The following FCGRT variants were observed in gnomAD, a reference collection of about 807,000 sequenced individuals.
FCGRT encodes the protein Fc gamma receptor and transporter.
FCGRT carries 13 observed loss-of-function variants against 35.7 expected under a neutral mutation model. That is an observed-to-expected ratio of 0.36 (90% CI 0.24 to 0.58). FCGRT has a LOEUF of 0.58. Ranked by LOEUF, FCGRT falls within the 20% of genes least tolerant of loss-of-function variation. The probability of loss-of-function intolerance (pLI) is 0.77; values close to 1 mark genes in which losing one functional copy is unlikely to be tolerated. For missense variants in FCGRT, 455 were observed against 474.9 expected (o/e 0.96, Z 0.39); for synonymous variants, 233 against 216.5 (o/e 1.08, Z -0.67).
Position 49,524,676 on chromosome 19 carries a change from C to G in FCGRT, c.771C>G (p.Phe257Leu). The G allele has an allele frequency of 6.2e-7, 1 of 1,604,964 alleles. No individual in the cohort carries two copies. Among genetic ancestry groups the G allele is most frequent in the Non-Finnish European group, 8.5e-7 (1 of 1,179,964 alleles). Residue 257 changes from phenylalanine to leucine, a missense_variant, in exon 5 of 7, where the codon TTC becomes TTG. By Grantham distance (22) the Phe-to-Leu change is conservative. Coordinates refer to ENST00000221466, the MANE Select transcript of FCGRT (RefSeq NM_001136019.3). ...GDFGPNSDGS[F>L]HASSSLTVKS... is the part of the protein sequence containing the mutation. The stretch of plus-strand genomic sequence containing the variant: ...TCGGCCCCAACAGTGACGGATCCTT[C>G]CACGCCTCGTCGTCACTAACAGTCA...
chr19:49,519,872 C>T lies in FCGRT; in HGVS notation c.602-4635C>T, dbSNP rs140487136. Among the ~76,000 whole-genome samples, 712 of 149,056 alleles carry T rather than the reference C, an allele frequency of 4.8e-3. 7 individuals are homozygous for T. Among genetic ancestry groups the T allele is most frequent in the African/African-American group, 0.017 (667 of 40,256 alleles). ...TTGAGATGGAGTCTTGCTCTGTCGC[C>T]CAGGCTGGAGTGCAGTGTTGCGATC... On this transcript the variant is annotated intron_variant, in intron 4 of 6. Transcript: ENST00000221466.
chr19:49,524,457 C>T, intron 4 of FCGRT, 50 bp from the exon 5 acceptor site: 1 of 1,574,690 alleles, frequency 6.4e-7, no homozygotes, highest in Non-Finnish European at 8.6e-7. Context: ...AGCCCTGGCT[C>T]TGGGAGTGGT....
At chr19:49,520,387 G>A (rs535895897) in intron 4 of FCGRT, among the ~76,000 whole-genome samples, 6 of 139,824 alleles carry the variant, frequency 4.3e-5, no homozygotes, top group African/African-American at 1.1e-4. Flanking sequence ...CTCTTATTGC[G>A]CAGGCTGGAG....
rs146390579 is a variant in FCGRT, at chr19:49,523,676, C to A, written c.602-831C>A. Among the ~76,000 whole-genome samples, 4 of 151,756 alleles carry A rather than the reference C, an allele frequency of 2.6e-5. No homozygotes were observed. The East Asian group carries it at 7.8e-4, about 30-fold the overall frequency. Reference sequence around the variant, plus strand: ...GAGATTGAGACCATCCTGGCTAAGACGGTGAAACCCCGTCTCTACTAAAAA... The same window carrying A: ...GAGATTGAGACCATCCTGGCTAAGAAGGTGAAACCCCGTCTCTACTAAAAA... On this transcript the variant is annotated intron_variant, in intron 4 of 6. Coordinates refer to ENST00000221466, the MANE Select transcript of FCGRT (RefSeq NM_001136019.3).
At position 49,524,532 on chromosome 19, in the gene FCGRT, C is replaced by G; in HGVS notation, c.627C>G (p.Ala209=). The G allele has an allele frequency of 6.2e-7, 1 of 1,610,324 alleles. No individual in the cohort carries two copies. Among genetic ancestry groups the G allele is most frequent in the Non-Finnish European group, 8.5e-7 (1 of 1,177,330 alleles). ...AGCCCCCCTCCATGCGCCTGAAGGC[C>G]CGACCCAGCAGCCCTGGCTTTTCCG... ...WKEPPSMRLK[A]RPSSPGFSVL... is the part of the protein sequence containing the mutation. The change falls in exon 5 of 7, where the codon GCC becomes GCG. Residue 209 remains alanine (A), a synonymous_variant. Coordinates refer to ENST00000221466, the MANE Select transcript of FCGRT (RefSeq NM_001136019.3).
chr19:49,522,690 C>T (rs866293140), intron 4 of FCGRT, among the ~76,000 whole-genome samples: 15 of 151,632 alleles, frequency 9.9e-5, no homozygotes, highest in African/African-American at 2.7e-4. Context: ...CCTCCACCCC[C>T]CAAAGCGCCA....
chr19:49,522,697 G>T (rs965138255), intron 4 of FCGRT, among the ~76,000 whole-genome samples: 2 of 149,848 alleles, frequency 1.3e-5, no homozygotes, highest in African/African-American at 4.9e-5. Context: ...CCCCCAAAGC[G>T]CCAGGATTCT....
chr19:49,524,046 TCTCA>T (rs1222821581), intron 4 of FCGRT, among the ~76,000 whole-genome samples: 2 of 150,196 alleles, frequency 1.3e-5, no homozygotes, highest in Admixed American at 6.7e-5. Flanking sequence ...TGAGACGGGG[TCTCA>T]CTCTGTCGCC....
At chr19:49,515,726 C>G (rs186322523) in intron 4 of FCGRT, among the ~76,000 whole-genome samples, 5 of 152,112 alleles carry the variant, frequency 3.3e-5, no homozygotes, top group African/African-American at 7.2e-5. Flanking sequence ...TGTGCTTGGC[C>G]TTCCTTGCCT....
rs11551292 is a variant in FCGRT, at chr19:49,526,289, T to C, written c.*170T>C. 8.4e-6 allele frequency: 5 copies of C among 595,588 alleles called. No homozygotes were observed. Among genetic ancestry groups the C allele is most frequent in the Admixed American group, 6.0e-5 (2 of 33,380 alleles). 36.9% of individuals were successfully genotyped at this position (595,588 alleles called of 1,614,324 possible). Reference sequence around the variant, plus strand: ...CCTCAGTTTCCCCTCCTAATACATATGGCTGTTTTCCACCTCGATAATATA... The same window carrying C: ...CCTCAGTTTCCCCTCCTAATACATACGGCTGTTTTCCACCTCGATAATATA... On this transcript the variant is annotated 3_prime_UTR_variant, in exon 7 of 7. Transcript: ENST00000221466.
chr19:49,517,812 C>G (rs2080017236), intron 4 of FCGRT, among the ~76,000 whole-genome samples: 3 of 152,150 alleles, frequency 2.0e-5, no homozygotes, highest in African/African-American at 7.2e-5. Context: ...CCTGCCTCAG[C>G]CTCCTGAGTA....
chr19:49,523,814 C>T lies in FCGRT; in HGVS notation c.602-693C>T, dbSNP rs184321032. On this transcript the variant is annotated intron_variant, in intron 4 of 6. Transcript: ENST00000221466. ...GGCGGAGCTTGCAGTGAGCCGAGAT[C>T]GCGCCACTGCACTCCAGCCTGGGAG... 7.7e-3 allele frequency among the ~76,000 whole-genome samples: 1,140 copies of T among 148,646 alleles called. 29 individuals carry two copies. Among genetic ancestry groups the T allele is most frequent in the East Asian group, 0.023 (115 of 4,926 alleles).
rs745455322 is a variant in FCGRT at position 49,513,945 on chromosome 19, C to T, written c.137C>T (p.Ala46Val). 1 of 1,613,888 alleles carries T rather than the reference C, an allele frequency of 6.2e-7. No individual in the cohort carries two copies. The highest frequency in any genetic ancestry group is 1.3e-5 in the African/African-American group (1 of 74,906). Residue 46 changes from alanine (A) to valine (V), a missense_variant, in exon 3 of 7, where the codon GCC (alanine) becomes GTC (valine). Coordinates refer to ENST00000221466, the MANE Select transcript of FCGRT (RefSeq NM_001136019.3). ...TCCTCGCCTGCCCCGGGGACTCCTGCCTTCTGGGTGTCCGGCTGGCTGGGC... is the reference window on the plus strand; with the variant it reads ...TCCTCGCCTGCCCCGGGGACTCCTGTCTTCTGGGTGTCCGGCTGGCTGGGC... ...AVSSPAPGTP[A>V]FWVSGWLGPQ...
At position 49,522,900 on chromosome 19, in the gene FCGRT, C is replaced by A. The variant is rs144523817; in HGVS notation, c.602-1607C>A. 7.5e-3 allele frequency among the ~76,000 whole-genome samples: 1,137 copies of A among 151,208 alleles called. 32 individuals carry two copies. The highest frequency in any genetic ancestry group is 0.059 in the East Asian group (302 of 5,104). ...TCACGCCATTCTCCTGCCTCAGCCT[C>A]CCAAGTGGCTGGGACTACAGGCGCC... On this transcript the variant is annotated intron_variant, in intron 4 of 6. Coordinates refer to ENST00000221466, the MANE Select transcript of FCGRT (RefSeq NM_001136019.3).
At chr19:49,523,410 T>TA (rs1297630093) in intron 4 of FCGRT, among the ~76,000 whole-genome samples, 3 of 151,532 alleles carry the variant, frequency 2.0e-5, no homozygotes, top group Non-Finnish European at 1.5e-5. Context: ...CTACTAAAAA[T>TA]AAAAAAATTA....
chr19:49,521,772 C>G (rs1274973606), intron 4 of FCGRT: 1 of 151,390 alleles, frequency 6.6e-6, no homozygotes, highest in Admixed American at 6.6e-5. Flanking sequence ...CAAGCTCAAG[C>G]GATCCTCCCA....
At chr19:49,518,962 C>T (rs1411473263) in intron 4 of FCGRT, among the ~76,000 whole-genome samples, 1 of 152,072 alleles carries the variant, frequency 6.6e-6, no homozygotes, top group Non-Finnish European at 1.5e-5. Flanking sequence ...CCTGCCTCAG[C>T]CTCCCGAGTG....
At chr19:49,523,369 C>T (rs2080053497) in intron 4 of FCGRT, among the ~76,000 whole-genome samples, 1 of 151,936 alleles carries the variant, frequency 6.6e-6, no homozygotes, top group South Asian at 2.1e-4. Flanking sequence ...GAATTTGAGA[C>T]CAGCCTGGCC....
intron 4 of FCGRT, chr19:49,516,082 A>G: frequency 2.4e-6 from 1 of 420,226 alleles, no homozygotes; most frequent in Non-Finnish European, 4.7e-6. Context: ...CAAAGAGGGA[A>G]GTGACACACA....
Sources: allele counts gnomAD v4.1 joint callset (sites outside exome capture counted in the v4.1 genomes callset), GRCh38; gene constraint gnomAD v4.1.1; transcripts MANE v1.5; gene names NCBI Gene and HGNC (gene_info 2026-07-23, HGNC 2026-07-21).